CNTN1: variants seen among roughly 807,000 people sequenced by gnomAD.
The protein encoded by CNTN1 is contactin 1, also known as contactin-1.
CNTN1 carries 38 observed loss-of-function variants against 126.4 expected under a neutral mutation model. The observed-to-expected ratio is 0.30, with a 90% CI of 0.23 to 0.39. The LOEUF (loss-of-function observed/expected upper bound fraction) is 0.39. Ranked by LOEUF, CNTN1 falls within the 10% of genes least tolerant of loss-of-function variation. CNTN1 has a pLI of 1.00. For synonymous variants in CNTN1, 413 were observed against 422.6 expected (o/e 0.98, Z 0.28); for missense variants, 1,009 against 1,248.4 (o/e 0.81, Z 2.89).
At chr12:40,936,218 T>C (rs916033161) in intron 9 of CNTN1, among the ~76,000 whole-genome samples, 6 of 152,106 alleles carry the variant, frequency 3.9e-5, no homozygotes, top group African/African-American at 1.4e-4. Context: ...TACCAATGCA[T>C]GGATTTCACC....
rs117005294 is a variant in CNTN1 at position 40,846,112 on chromosome 12, A to C, written c.-76-62245A>C. Among the ~76,000 whole-genome samples, 12 of 152,220 alleles carry C rather than the reference A, an allele frequency of 7.9e-5. No homozygotes were observed. In the East Asian group the frequency reaches 2.3e-3, roughly 29 times the overall value. On this transcript the variant is annotated intron_variant, in intron 1 of 23. Coordinates refer to ENST00000551295, the MANE Select transcript of CNTN1 (RefSeq NM_001843.4). ...GCGGAGGAAGTTAGAAAAACAGTAA[A>C]CTCATACAGATAATTGATACAAAAA...
intron 16 of CNTN1, among the ~76,000 whole-genome samples, chr12:40,990,153 G>A (rs1355116402): frequency 6.6e-6 from 1 of 152,130 alleles, no homozygotes; most frequent in African/African-American, 2.4e-5. Context: ...ACCAAAACAT[G>A]TTTGTTTTAG....
intron 20 of CNTN1, among the ~76,000 whole-genome samples, chr12:41,024,383 G>A (rs936108939): frequency 3.3e-5 from 5 of 151,226 alleles, no homozygotes; most frequent in African/African-American, 1.2e-4. Flanking sequence ...TCATACCTTA[G>A]ATATAATTAT....
rs1566233643 is a variant in CNTN1, at chr12:41,056,910, ATATTTATAATATTTAGATATT to A, written c.2981-13045_2981-13025del. Among the ~76,000 whole-genome samples, 586 of 96,882 alleles carry A rather than the reference ATATTTATAATATTTAGATATT, an allele frequency of 6.0e-3. 57 individuals are homozygous for A. The highest frequency in any genetic ancestry group is 0.025 in the African/African-American group (558 of 22,754). 63.6% of individuals were successfully genotyped at this position (96,882 alleles called of 152,430 possible). A position where few individuals can be genotyped will look rare whatever the true frequency, so the allele number is the denominator to read the frequency against. On this transcript the variant is annotated intron_variant, in intron 23 of 23. Coordinates refer to ENST00000551295, the MANE Select transcript of CNTN1 (RefSeq NM_001843.4). Reference sequence around the variant, plus strand: ...AAATATTATATTTAGATATTTATAAATATTTATAATATTTAGATATTTATAAATATTTATAATATTTAGATA... The same window carrying A: ...AAATATTATATTTAGATATTTATAAATATAAATATTTATAATATTTAGATA...
chr12:40,700,266 G>A (rs1014169804), intron 1 of CNTN1, among the ~76,000 whole-genome samples: 16 of 151,950 alleles, frequency 1.1e-4, no homozygotes, highest in Non-Finnish European at 1.9e-4. Flanking sequence ...GGTGGCTCAC[G>A]CCTGTAATCC....
chr12:41,059,226 A>G (rs1949889862), intron 23 of CNTN1, among the ~76,000 whole-genome samples: 1 of 151,744 alleles, frequency 6.6e-6, no homozygotes, highest in Admixed American at 6.5e-5. Flanking sequence ...AAATACCAAA[A>G]TACAGCCTCA....
Position 40,698,228 on chromosome 12 carries a change from A to ATTTTTTTTTT in CNTN1, c.-77+5655_-77+5664dup, listed in dbSNP as rs35570862. 1.6e-4 allele frequency among the ~76,000 whole-genome samples: 11 copies of ATTTTTTTTTT among 69,884 alleles called. 1 individual carries two copies. The highest frequency in any genetic ancestry group is 4.6e-4 in the African/African-American group (8 of 17,208). The allele number at this position is 69,884 out of a possible 152,430, so 45.8% of individuals were successfully genotyped here. A position where few individuals can be genotyped will look rare whatever the true frequency, so the allele number is the denominator to read the frequency against. On this transcript the variant is annotated intron_variant, in intron 1 of 23. Transcript: ENST00000551295. ...AGCGTGCTTTGAGGCCAGCCACTTA[A>ATTTTTTTTTT]TTTTTTTTTTTTTTTTTTTTTTTTT...
chr12:41,000,644 TTTAAG>T (rs1948334650), intron 17 of CNTN1, among the ~76,000 whole-genome samples: 1 of 152,084 alleles, frequency 6.6e-6, no homozygotes, highest in African/African-American at 2.4e-5. Context: ...TTTTTTTAAT[TTTAAG>T]TTAAGAGGTA....
At chr12:40,825,324 T>C (rs4767991) in intron 1 of CNTN1, among the ~76,000 whole-genome samples, 8,781 of 152,172 alleles carry the variant, frequency 0.058, 520 homozygotes, top group Admixed American at 0.16. Flanking sequence ...TTTTTTTTTA[T>C]GTTGGAGACA....
intron 19 of CNTN1, 147 bp downstream of exon 19, chr12:41,017,063 A>G (rs1313797049): frequency 1.4e-6 from 1 of 693,520 alleles, no homozygotes; most frequent in Non-Finnish European, 2.6e-6. Context: ...TTTTGAACCA[A>G]ATTAAACATC....
chr12:40,734,635 T>A (rs1335229989), intron 1 of CNTN1, among the ~76,000 whole-genome samples: 1 of 152,158 alleles, frequency 6.6e-6, no homozygotes, highest in Non-Finnish European at 1.5e-5. Flanking sequence ...CATTTAAGGA[T>A]TAATGCAAAT....
intron 9 of CNTN1, among the ~76,000 whole-genome samples, chr12:40,934,779 G>A (rs1347364261): frequency 6.6e-6 from 1 of 151,860 alleles, no homozygotes; most frequent in Non-Finnish European, 1.5e-5. Context: ...AACATGATTT[G>A]CATCTCTGCC....
intron 1 of CNTN1, among the ~76,000 whole-genome samples, chr12:40,894,986 T>C (rs1944357747): frequency 3.3e-5 from 5 of 152,320 alleles, no homozygotes; most frequent in Admixed American, 2.6e-4. Context: ...TTTTCTTTAA[T>C]AAATTTCCAT....
intron 15 of CNTN1, among the ~76,000 whole-genome samples, chr12:40,975,222 A>G (rs1592350094): frequency 7.9e-6 from 1 of 126,366 alleles, no homozygotes; most frequent in East Asian, 2.5e-4. Context: ...ATATATATAT[A>G]TGTTTTAGTG....
intron 14 of CNTN1, among the ~76,000 whole-genome samples, chr12:40,949,466 C>T (rs2136972201): frequency 6.9e-6 from 1 of 145,908 alleles, no homozygotes; most frequent in South Asian, 2.2e-4. Flanking sequence ...TGATATTCCC[C>T]TTCCTGTGTC....
intron 1 of CNTN1, among the ~76,000 whole-genome samples, chr12:40,699,172 C>T (rs1302536833): frequency 6.6e-6 from 1 of 152,134 alleles, no homozygotes; most frequent in Non-Finnish European, 1.5e-5. Flanking sequence ...TGAGGATAGA[C>T]ACCATATGTT....
chr12:40,948,379 C>A (rs1387287930), intron 14 of CNTN1, among the ~76,000 whole-genome samples: 1 of 134,306 alleles, frequency 7.4e-6, no homozygotes, highest in East Asian at 2.3e-4. Flanking sequence ...CTGGGTATTT[C>A]ATTGCTGAAG....
chr12:41,016,035 G>A (rs561111705), intron 18 of CNTN1, among the ~76,000 whole-genome samples: 1 of 152,102 alleles, frequency 6.6e-6, no homozygotes, highest in African/African-American at 2.4e-5. Flanking sequence ...TCGATCACAA[G>A]GTAGATATTC....
intron 1 of CNTN1, among the ~76,000 whole-genome samples, chr12:40,826,745 A>T (rs1042524791): frequency 9.2e-5 from 14 of 152,180 alleles, no homozygotes; most frequent in Middle Eastern, 3.2e-3. Flanking sequence ...CATAATTATC[A>T]ATTGGCAAAC....
Sources: allele counts gnomAD v4.1 joint callset (sites outside exome capture counted in the v4.1 genomes callset), GRCh38; gene constraint gnomAD v4.1.1; transcripts MANE v1.5; gene names NCBI Gene and HGNC (gene_info 2026-07-23, HGNC 2026-07-21).